The following NQO2 variants were observed in gnomAD, a reference collection of about 807,000 sequenced individuals.
The protein encoded by NQO2 is N-ribosyldihydronicotinamide:quinone dehydrogenase 2, also known as ribosyldihydronicotinamide dehydrogenase [quinone].
In NQO2, 18 loss-of-function variants were observed where a neutral mutation model predicts 22.0. The ratio of observed to expected loss-of-function variants is 0.82; its 90% CI spans 0.56 to 1.21. NQO2 has a LOEUF of 1.21. NQO2 is among the 50% of genes most tolerant of loss of function. The pLI, the probability that NQO2 is intolerant of heterozygous loss-of-function variation, is 0.00. For synonymous variants in NQO2, 106 were observed against 110.8 expected, an observed-to-expected ratio of 0.96 and a Z score of 0.28; for missense variants, 267 against 286.9, an observed-to-expected ratio of 0.93 and a Z score of 0.50.
intron 1 of NQO2, among the ~76,000 whole-genome samples, chr6:3,005,372 G>A (rs1175358448): frequency 2.0e-5 from 3 of 152,244 alleles, no homozygotes; most frequent in East Asian, 1.9e-4. Flanking sequence ...AGCGGTGCAC[G>A]GGGTTCCAAC....
intron 3 of NQO2, among the ~76,000 whole-genome samples, chr6:3,011,844 C>T (rs1314807643): frequency 1.3e-5 from 2 of 152,180 alleles, no homozygotes; most frequent in African/African-American, 4.8e-5. Context: ...TAGCCTTCAA[C>T]TCTGAAAGAG....
intron 1 of NQO2, chr6:3,005,897 G>A (rs1756935217): frequency 6.4e-6 from 5 of 786,120 alleles, no homozygotes; most frequent in South Asian, 5.7e-5. Flanking sequence ...GGGCAGAGCT[G>A]GAAATTGCAC....
Position 3,015,700 on chromosome 6 carries a change from G to A in NQO2, c.417+57G>A, listed in dbSNP as rs1218966145. 3.4e-6 allele frequency: 5 copies of A among 1,487,638 alleles called. No individual in the cohort carries two copies. The Admixed American group carries it at 8.7e-5, about 26-fold the overall frequency. 92.2% of individuals were successfully genotyped at this position (1,487,638 alleles called of 1,614,324 possible). A position where few individuals can be genotyped will look rare whatever the true frequency, so the allele number is the denominator to read the frequency against. ...TAGTTGGAGGGAGGGGACAGAGGAT[G>A]CGTCTTCTATCAAGTTATATTTCTA... On this transcript the variant is annotated intron_variant, in intron 5 of 6. Transcript: ENST00000380455.
intron 1 of NQO2, chr6:3,005,579 T>C: frequency 1.1e-6 from 1 of 902,766 alleles, no homozygotes; most frequent in Non-Finnish European, 1.3e-6. Flanking sequence ...CATTTTTGCA[T>C]TGAGTTGTTT....
intron 1 of NQO2, among the ~76,000 whole-genome samples, chr6:3,005,281 A>G (rs186709249): frequency 6.6e-6 from 1 of 152,258 alleles, no homozygotes; most frequent in Admixed American, 6.5e-5. Context: ...TTGCTGAGTC[A>G]TATGTTAATT....
chr6:3,015,006 C>T lies in NQO2; in HGVS notation c.304-524C>T, dbSNP rs1232930445. On this transcript the variant is annotated intron_variant, in intron 4 of 6. Transcript: ENST00000380455. ...GATTGCCTATGTTTATTTCCCTTCC[C>T]AGGCGGTAACACTGGATGTAATGTT... 6 of 954,536 alleles carry T rather than the reference C, an allele frequency of 6.3e-6. No homozygotes were observed. In the Admixed American group the frequency reaches 1.4e-4, roughly 22 times the overall value. 59.1% of individuals were successfully genotyped at this position (954,536 alleles called of 1,614,324 possible). A position where few individuals can be genotyped will look rare whatever the true frequency, so the allele number is the denominator to read the frequency against.
At chr6:3,001,447 C>T (rs564253112) in intron 1 of NQO2, among the ~76,000 whole-genome samples, 14 of 152,034 alleles carry the variant, frequency 9.2e-5, no homozygotes, top group African/African-American at 1.4e-4. Context: ...CTTTAATCTC[C>T]GAAGATCACA....
intron 2 of NQO2, among the ~76,000 whole-genome samples, chr6:3,008,986 A>C (rs1378307828): frequency 2.6e-5 from 4 of 151,766 alleles, no homozygotes; most frequent in Non-Finnish European, 5.9e-5. Context: ...ATTGCTAATG[A>C]AGTTTTGGGC....
chr6:3,001,360 G>C (rs144275352), intron 1 of NQO2, among the ~76,000 whole-genome samples: 2,817 of 152,122 alleles, frequency 0.019, 44 homozygotes, highest in South Asian at 0.062. Flanking sequence ...CAGAGTGCTG[G>C]GATTAATGAA....
At position 3,019,491 on chromosome 6, in the gene NQO2, C is replaced by T; in HGVS notation, c.532C>T (p.His178Tyr). ...CCTGTGGCTTTAGCATGGCACATTA[C>T]ACTTCTGTGGATTTAAAGTCCTTGC... ...FLWPLQHGTL[H>Y]FCGFKVLAPQ... The change falls in exon 7 of 7, where the codon CAC becomes TAC. Residue 178 changes from histidine (H) to tyrosine (Y), a missense_variant. Physicochemically the swap from His to Tyr is moderately conservative, Grantham distance 83 (BLOSUM62 2). Transcript: ENST00000380455. 2 of 1,613,634 alleles carry T rather than the reference C, an allele frequency of 1.2e-6. No individual in the cohort carries two copies. Among genetic ancestry groups the T allele is most frequent in the Non-Finnish European group, 1.7e-6 (2 of 1,179,758 alleles).
At chr6:3,000,762 C>T (rs1213038976) in intron 1 of NQO2, among the ~76,000 whole-genome samples, 1 of 152,156 alleles carries the variant, frequency 6.6e-6, no homozygotes, top group Non-Finnish European at 1.5e-5. Context: ...TGGTCTCAAA[C>T]TCCTGACCTC....
chr6:3,015,810 C>T (rs757304756), intron 5 of NQO2, among the ~76,000 whole-genome samples, 167 bp downstream of exon 5: 2 of 152,218 alleles, frequency 1.3e-5, no homozygotes, highest in African/African-American at 2.4e-5. Flanking sequence ...GACACAGCAT[C>T]GTTTCTGAAA....
chr6:3,011,556 T>C (rs1757134242), intron 3 of NQO2, among the ~76,000 whole-genome samples: 1 of 151,998 alleles, frequency 6.6e-6, no homozygotes, highest in African/African-American at 2.4e-5. Flanking sequence ...ACAGAAAAAT[T>C]TTCCAAAACT....
At chr6:3,004,706 A>T in intron 1 of NQO2, 1 of 930,610 alleles carries the variant, frequency 1.1e-6, no homozygotes, top group Non-Finnish European at 1.3e-6. Context: ...TGCTGTAAAG[A>T]CACACTGATA....
rs1437827286 is a variant in NQO2 at position 3,006,560 on chromosome 6, G to A, written c.7+1G>A. Reference sequence around the variant, plus strand: ...AATCCACCTTCTTACGCTATGGCAGGTAATGATTCACTATTGTGGAGTAAG... The same window carrying A: ...AATCCACCTTCTTACGCTATGGCAGATAATGATTCACTATTGTGGAGTAAG... On this transcript the variant is annotated splice_donor_variant, in intron 2 of 6. Transcript: ENST00000380455. LOFTEE classifies it high-confidence loss of function. This position sits in a 1 kb window ranked among gnomAD's most constrained non-coding sequence, Gnocchi z 4.0. 3 of 1,606,374 alleles carry A rather than the reference G, an allele frequency of 1.9e-6. No homozygotes were observed. The highest frequency in any genetic ancestry group is 1.3e-5 in the African/African-American group (1 of 74,554).
chr6:3,016,992 C>T lies in NQO2; in HGVS notation c.519+7C>T. 1 of 1,613,282 alleles carries T rather than the reference C, an allele frequency of 6.2e-7. No individual in the cohort carries two copies. The highest frequency in any genetic ancestry group is 8.5e-7 in the Non-Finnish European group (1 of 1,179,784). On this transcript the variant is annotated splice_region_variant and intron_variant, in intron 6 of 6. Transcript: ENST00000380455. ...CTTCCTGTGGCCACTCCAGGTAGAC[C>T]AGCTGCGAGTGGCTCCCTTGCTTGT...
chr6:3,005,181 TG>T (rs1450802477), intron 1 of NQO2, among the ~76,000 whole-genome samples: 1 of 152,246 alleles, frequency 6.6e-6, no homozygotes, highest in Non-Finnish European at 1.5e-5. Flanking sequence ...ATGTTTTAGC[TG>T]TTGTGGAAAA....
rs1166316553 is a variant in NQO2 at position 3,006,214 on chromosome 6, G to A, written c.-85-254G>A. 1.9e-6 allele frequency: 1 copy of A among 513,674 alleles called. No homozygotes were observed. The highest frequency in any genetic ancestry group is 2.5e-6 in the Non-Finnish European group (1 of 399,036). The allele number at this position is 513,674 out of a possible 1,614,324, so 31.8% of individuals were successfully genotyped here. A position where few individuals can be genotyped will look rare whatever the true frequency, so the allele number is the denominator to read the frequency against. ...TGCTTCCTACCGTGGCTCATTTCCT[G>A]GGTCCTTTGCTGTATGACTGTCTGG... On this transcript the variant is annotated intron_variant, in intron 1 of 6. Transcript: ENST00000380455. The surrounding 1 kb of genome is among the most constrained non-coding windows in gnomAD (Gnocchi z 4.0).
At chr6:3,004,626 A>G (rs934160323) in intron 1 of NQO2, 2 of 985,504 alleles carry the variant, frequency 2.0e-6, no homozygotes, top group African/African-American at 3.5e-5. Context: ...ATGCTCATTC[A>G]GGCCCTGCTC....
Sources: gnomAD v4.1 joint callset for allele counts (sites outside exome capture counted in the v4.1 genomes callset) on GRCh38, gnomAD v4.1.1 for gene constraint, Gnocchi (gnomAD v3.1) non-coding constraint, MANE v1.5 for transcripts, NCBI Gene and HGNC (gene_info 2026-07-23, HGNC 2026-07-21) for gene names.